SLIT3: variants seen among roughly 807,000 people sequenced by gnomAD.
The protein encoded by SLIT3 is slit homolog 3 protein.
In SLIT3, 68 loss-of-function variants were observed where a neutral mutation model predicts 184.0. The ratio of observed to expected loss-of-function variants is 0.37; its 90% confidence interval spans 0.30 to 0.45. The LOEUF (loss-of-function observed/expected upper bound fraction) is 0.45, where lower values mean the gene tolerates loss of function less well. Among genes scored for constraint, SLIT3 ranks in the 20% least tolerant of loss-of-function variants. The pLI is 1.00. For synonymous variants in SLIT3, 831 were observed against 828.6 expected, an observed-to-expected ratio of 1.00 and a Z score of -0.05; for missense variants, 1,707 against 2,026.0, an observed-to-expected ratio of 0.84 and a Z score of 3.02.
intron 5 of SLIT3, among the ~76,000 whole-genome samples, chr5:168,878,717 CTT>C (rs35132944): frequency 0.042 from 5,908 of 140,702 alleles, 217 homozygotes; most frequent in Admixed American, 0.11. Context: ...CAGTTTCTTC[CTT>C]TTTTTTTTTT....
chr5:169,131,853 G>A, intron 4 of SLIT3, among the ~76,000 whole-genome samples: 1 of 152,218 alleles, frequency 6.6e-6, no homozygotes, highest in Admixed American at 6.5e-5. Context: ...TGGCCTTGGA[G>A]ATCTGAAGGA....
intron 4 of SLIT3, among the ~76,000 whole-genome samples, chr5:169,084,469 T>C (rs1213151187): frequency 3.3e-5 from 5 of 149,456 alleles, no homozygotes; most frequent in African/African-American, 1.2e-4. Flanking sequence ...TTTTTTTTTT[T>C]TTTTTTTTTG....
chr5:169,134,061 GC>G (rs954357971), intron 4 of SLIT3, among the ~76,000 whole-genome samples: 1 of 152,210 alleles, frequency 6.6e-6, no homozygotes, highest in African/African-American at 2.4e-5. Context: ...AATGTGCAAA[GC>G]TTTGGGCCAT....
intron 4 of SLIT3, among the ~76,000 whole-genome samples, chr5:168,954,613 G>A (rs1004706017): frequency 3.9e-5 from 6 of 152,148 alleles, no homozygotes; most frequent in Admixed American, 3.3e-4. Context: ...CAAGTAACAC[G>A]TGAAGAAAGG....
intron 4 of SLIT3, 84 bp downstream of exon 4, chr5:169,193,395 G>A: frequency 5.2e-6 from 6 of 1,148,562 alleles, no homozygotes; most frequent in South Asian, 1.2e-5. Flanking sequence ...GCTCCACACG[G>A]CACGGCGCTC....
chr5:169,296,558 G>A (rs1281092293), intron 1 of SLIT3, among the ~76,000 whole-genome samples: 4 of 152,144 alleles, frequency 2.6e-5, no homozygotes, highest in Admixed American at 2.0e-4. Flanking sequence ...GCTTGTTCCT[G>A]TCCTCTAAGC....
intron 4 of SLIT3, among the ~76,000 whole-genome samples, chr5:169,123,955 G>A (rs547719450): frequency 9.2e-5 from 14 of 152,246 alleles, no homozygotes; most frequent in Admixed American, 5.2e-4. Flanking sequence ...GGAAAGCTTC[G>A]CCAGAGAGCC....
chr5:169,179,360 T>C (rs1763081324), intron 4 of SLIT3, among the ~76,000 whole-genome samples: 1 of 149,858 alleles, frequency 6.7e-6, no homozygotes. Context: ...TTCACTAAGG[T>C]GAGGCCTCCA....
chr5:169,285,638 C>T (rs537374595), intron 1 of SLIT3, among the ~76,000 whole-genome samples: 75 of 152,344 alleles, frequency 4.9e-4, no homozygotes, highest in African/African-American at 1.8e-3. Flanking sequence ...TGAGTTGCTG[C>T]ACACCTCTTC....
intron 4 of SLIT3, among the ~76,000 whole-genome samples, chr5:169,122,355 C>T (rs1459420541): frequency 6.6e-6 from 1 of 152,226 alleles, no homozygotes; most frequent in Non-Finnish European, 1.5e-5. Flanking sequence ...CCATCCAAGT[C>T]TCTGGGGTCA....
In SLIT3 at chr5:169,193,509, A is replaced by T; in HGVS notation, c.383T>A (p.Leu128His). 6.2e-7 allele frequency: 1 copy of T among 1,614,140 alleles called. No homozygotes were observed. The highest frequency in any genetic ancestry group is 8.5e-7 in the Non-Finnish European group (1 of 1,179,984). ...KNKLQVLPEL[L>H]FQSTPKLTRL... ...GGTGAGCTTCGGCGTGCTCTGGAAA[A>T]GCAATTCTGGAAGGACTTGCAGCTT... The change falls in exon 4 of 36, where the codon CTT becomes CAT. Residue 128 changes from leucine (L) to histidine (H), a missense_variant. By Grantham distance (99) the Leu-to-His change is moderately conservative. This residue lies in a region of SLIT3 where 1,307 missense variants were observed against 1,511.6 expected (regional missense o/e 0.86). Coordinates refer to ENST00000519560, the MANE Select transcript of SLIT3 (RefSeq NM_003062.4).
At chr5:169,118,010 C>T (rs1287965970) in intron 4 of SLIT3, among the ~76,000 whole-genome samples, 1 of 152,178 alleles carries the variant, frequency 6.6e-6, no homozygotes, top group African/African-American at 2.4e-5. Context: ...TGCCTTCCCA[C>T]TTGAATATTT....
intron 3 of SLIT3, among the ~76,000 whole-genome samples, chr5:169,229,119 A>G (rs544272660): frequency 2.6e-5 from 4 of 152,196 alleles, no homozygotes; most frequent in Non-Finnish European, 5.9e-5. Context: ...AGGGAGACAT[A>G]AGCATTTTGA....
intron 4 of SLIT3, among the ~76,000 whole-genome samples, chr5:169,059,748 C>A (rs1758118191): frequency 6.6e-6 from 1 of 152,208 alleles, no homozygotes; most frequent in African/African-American, 2.4e-5. Flanking sequence ...CCACGAGGCC[C>A]AGCAGGTTGA....
At chr5:169,072,741 G>A (rs754581412) in intron 4 of SLIT3, among the ~76,000 whole-genome samples, 2 of 152,194 alleles carry the variant, frequency 1.3e-5, no homozygotes, top group Non-Finnish European at 2.9e-5. Context: ...TCTTCTGCAC[G>A]GCTGGAGGCA....
chr5:168,825,693 T>A lies in SLIT3; in HGVS notation c.558-2362A>T, dbSNP rs562368025. ...ATGTGGGGAGATGCTCAGTGGGGGA[T>A]AATCTATCCTGCCTCTGTCCATCCA... On this transcript the variant is annotated intron_variant, in intron 6 of 35. Coordinates refer to ENST00000519560, the MANE Select transcript of SLIT3 (RefSeq NM_003062.4). Among the ~76,000 whole-genome samples the A allele has an allele frequency of 5.3e-5, 8 of 152,350 alleles. No individual in the cohort carries two copies. In the South Asian group the frequency reaches 8.3e-4, roughly 16 times the overall value.
intron 12 of SLIT3, among the ~76,000 whole-genome samples, chr5:168,777,814 T>C (rs1468683470): frequency 1.3e-5 from 2 of 152,132 alleles, no homozygotes; most frequent in Non-Finnish European, 2.9e-5. Context: ...ATCAGCAAGA[T>C]CTAACAGCCT....
chr5:168,787,629 AT>A (rs1192238599), intron 11 of SLIT3, among the ~76,000 whole-genome samples: 3 of 152,042 alleles, frequency 2.0e-5, no homozygotes, highest in Non-Finnish European at 2.9e-5. Context: ...TATGTATTTA[AT>A]TTTAATTTTT....
intron 4 of SLIT3, among the ~76,000 whole-genome samples, chr5:169,076,025 G>A (rs1295780715): frequency 6.6e-6 from 1 of 152,194 alleles, no homozygotes; most frequent in Non-Finnish European, 1.5e-5. Context: ...AGGTGTTAAG[G>A]GAAGTTTCCT....
Sources: gnomAD v4.1 joint callset for allele counts (sites outside exome capture counted in the v4.1 genomes callset) on GRCh38, gnomAD v4.1.1 for gene constraint, gnomAD v4.1.1 regional missense constraint, MANE v1.5 for transcripts, NCBI Gene and HGNC (gene_info 2026-07-23, HGNC 2026-07-21) for gene names.